Variants in CDKL5 observed in about 807,000 individuals in gnomAD.
CDKL5 encodes cyclin-dependent kinase-like 5.
Under a neutral mutation model 61.7 loss-of-function variants are expected in CDKL5, and 8 were observed. The observed-to-expected ratio is 0.13, with a 90% CI of 0.08 to 0.23. The LOEUF is 0.23. CDKL5 is among the 10% of genes least tolerant of loss of function. CDKL5 has a pLI of 1.00. For synonymous variants in CDKL5, 275 were observed against 272.3 expected (o/e 1.01, Z -0.10); for missense variants, 440 against 734.5 (o/e 0.60, Z 4.63).
intron 1 of CDKL5, among the ~76,000 whole-genome samples, chrX:18,427,730 T>C (rs1487305702): frequency 2.7e-5 from 3 of 112,091 alleles, no homozygotes; most frequent in African/African-American, 9.7e-5. Flanking sequence ...TTTTTTAAAT[T>C]TGAAATAGAA....
chrX:18,574,560 A>G (rs1292822793), intron 4 of CDKL5, among the ~76,000 whole-genome samples: 3 of 112,043 alleles, frequency 2.7e-5, no homozygotes, highest in African/African-American at 9.7e-5. Flanking sequence ...TTAATCTATT[A>G]GAGTTAATAT....
intron 1 of CDKL5, among the ~76,000 whole-genome samples, chrX:18,500,187 A>G (rs757973984): frequency 1.8e-5 from 2 of 111,745 alleles, no homozygotes; most frequent in African/African-American, 6.5e-5. Flanking sequence ...TAATAGTTGT[A>G]TATATTTATG....
chrX:18,443,023 A>G (rs1304544662), intron 1 of CDKL5, among the ~76,000 whole-genome samples: 3 of 111,876 alleles, frequency 2.7e-5, no homozygotes, highest in Non-Finnish European at 3.8e-5. Flanking sequence ...AATGTTATTT[A>G]TGTGTTAGTT....
intron 1 of CDKL5, among the ~76,000 whole-genome samples, chrX:18,475,037 A>G (rs1276492782): frequency 9.4e-6 from 1 of 106,497 alleles, no homozygotes; most frequent in Non-Finnish European, 1.9e-5. Context: ...GCTCACTGCA[A>G]CCGCTACCTC....
downstream of CDKL5, among the ~76,000 whole-genome samples, chrX:18,642,525 A>G (rs924437743): frequency 1.3e-4 from 15 of 112,340 alleles, no homozygotes; most frequent in African/African-American, 4.9e-4. Flanking sequence ...GTGCTGCTAG[A>G]AAATGCCACT....
intron 3 of CDKL5, among the ~76,000 whole-genome samples, chrX:18,548,112 G>A (rs1924263689): frequency 9.2e-6 from 1 of 109,077 alleles, no homozygotes; most frequent in Admixed American, 9.8e-5. Context: ...AAGGGAAGGG[G>A]TGTTTGTAAT....
chrX:18,533,144 G>A (rs554111664), intron 3 of CDKL5, among the ~76,000 whole-genome samples: 5 of 111,644 alleles, frequency 4.5e-5, no homozygotes, highest in Admixed American at 9.5e-5. Flanking sequence ...ATGATTTGCC[G>A]TACTGAAAGG....
chrX:18,598,678 G>A, intron 11 of CDKL5, 65 bp downstream of exon 11: 1 of 1,038,474 alleles, frequency 9.6e-7, no homozygotes, highest in Non-Finnish European at 1.4e-6. Context: ...GGAGGAGGTG[G>A]CTGCTTAAAT....
chrX:18,433,054 C>T (rs1206585903), intron 1 of CDKL5, among the ~76,000 whole-genome samples: 2 of 105,899 alleles, frequency 1.9e-5, no homozygotes, highest in Admixed American at 1.0e-4. Flanking sequence ...ATGGTGAAAC[C>T]CCATCTCTAC....
rs1245796195 is a variant in CDKL5, at chrX:18,653,347, T to C, written c.2981-85T>C. 4 of 1,171,774 alleles carry C rather than the reference T, an allele frequency of 3.4e-6. No homozygotes were observed. In the East Asian group the frequency reaches 1.3e-4, roughly 37 times the overall value. On this transcript the variant is annotated intron_variant, in intron 21 of 21. Transcript: ENST00000379989. Reference sequence around the variant, plus strand: ...AGAATGCATGTGGCCTTCTGCTCCGTGGGGGGCCCGGGCATTAGCCAGAGT... The same window carrying C: ...AGAATGCATGTGGCCTTCTGCTCCGCGGGGGGCCCGGGCATTAGCCAGAGT...
intron 21 of CDKL5, among the ~76,000 whole-genome samples, chrX:18,651,088 C>T (rs916191803): frequency 4.6e-5 from 5 of 109,776 alleles, no homozygotes; most frequent in African/African-American, 1.7e-4. Flanking sequence ...GCCCCTCTAT[C>T]CTACTCTGTT....
rs971530750 is a variant in CDKL5 at position 18,425,626 on chromosome X, G to A, written c.-232G>A. ...TTCGATTAGTTGTCTCTGCCGCTGGGGAAGGTAAAGCGGCGACGGCGTCCT... is the reference window on the plus strand; with the variant it reads ...TTCGATTAGTTGTCTCTGCCGCTGGAGAAGGTAAAGCGGCGACGGCGTCCT... On this transcript the variant is annotated 5_prime_UTR_variant, in exon 1 of 18. Transcript: ENST00000623535. 8.9e-6 allele frequency: 1 copy of A among 112,637 alleles called. No homozygotes were observed. Among genetic ancestry groups the A allele is most frequent in the Non-Finnish European group, 1.9e-5 (1 of 53,235 alleles). 9.3% of individuals were successfully genotyped at this position (112,637 alleles called of 1,213,427 possible). A position where few individuals can be genotyped will look rare whatever the true frequency, so the allele number is the denominator to read the frequency against.
chrX:18,541,381 G>T (rs1304678605), intron 3 of CDKL5, among the ~76,000 whole-genome samples: 1 of 111,865 alleles, frequency 8.9e-6, no homozygotes, highest in African/African-American at 3.2e-5. Context: ...TTTCTTTTCT[G>T]TTGTTAAGAT....
At chrX:18,622,137 C>T (rs1179989587) in intron 16 of CDKL5, among the ~76,000 whole-genome samples, 1 of 111,999 alleles carries the variant, frequency 8.9e-6, no homozygotes, top group African/African-American at 3.2e-5. Flanking sequence ...GTAGAGTATA[C>T]ATGTTGGCTG....
intron 9 of CDKL5, chrX:18,589,075 A>T (rs1439728188): frequency 3.6e-5 from 4 of 110,641 alleles, no homozygotes; most frequent in Admixed American, 9.6e-5. Flanking sequence ...ACCTTATTAG[A>T]GTGCCCAGTG....
In CDKL5 at chrX:18,555,962, C is replaced by T. The variant is rs181421387; in HGVS notation, c.100-8515C>T. Among the ~76,000 whole-genome samples, 488 of 111,906 alleles carry T rather than the reference C, an allele frequency of 4.4e-3. 2 individuals carry two copies. Among genetic ancestry groups the T allele is most frequent in the Middle Eastern group, 0.041 (9 of 217 alleles). On this transcript the variant is annotated intron_variant, in intron 3 of 17. Transcript: ENST00000623535. ...ACAAGCTATGGTAGTTTTCAAATAA[C>T]AAATAATATAAGTCAAGATCTCTAA...
At chrX:18,535,883 T>C (rs1338183267) in intron 3 of CDKL5, 1 of 112,475 alleles carries the variant, frequency 8.9e-6, no homozygotes, top group Non-Finnish European at 1.9e-5. Context: ...GGGGACAAGC[T>C]AGTTCCTGGA....
At chrX:18,651,264 T>TGTGTGTGTGTGTGTGAGA (rs1491242962) in intron 21 of CDKL5, among the ~76,000 whole-genome samples, 4 of 69,012 alleles carry the variant, frequency 5.8e-5, no homozygotes, top group African/African-American at 2.5e-4. Context: ...TGTGTGTGTG[T>TGTGTGTGTGTGTGTGAGA]GAGAGAGAGA....
intron 3 of CDKL5, chrX:18,535,324 C>A: frequency 8.7e-6 from 1 of 115,186 alleles, no homozygotes; most frequent in South Asian, 3.5e-4. Flanking sequence ...ACTTGTGTCT[C>A]TTCCCCCACT....
Sources: allele counts gnomAD v4.1 joint callset (sites outside exome capture counted in the v4.1 genomes callset), GRCh38; gene constraint gnomAD v4.1.1; transcripts MANE v1.5; gene names NCBI Gene and HGNC (gene_info 2026-07-23, HGNC 2026-07-21).